Variants in TBC1D24 observed in about 807,000 individuals in gnomAD.
The protein encoded by TBC1D24 is Infantile myoclonic epilepsy.
Under a neutral mutation model 50.7 loss-of-function variants are expected in TBC1D24, and 47 were observed. That is an observed-to-expected ratio of 0.93 (90% CI 0.73 to 1.18). TBC1D24 has a LOEUF of 1.18. TBC1D24 is among the 50% of genes most tolerant of loss of function. The pLI is 0.00. For synonymous variants in TBC1D24, 324 were observed against 335.2 expected, an observed-to-expected ratio of 0.97 and a Z score of 0.36; for missense variants, 688 against 766.5, an observed-to-expected ratio of 0.90 and a Z score of 1.21.
At position 2,496,424 on chromosome 16, in the gene TBC1D24, GC is replaced by G; in HGVS notation, c.279del (p.Glu94SerfsTer13). 1 of 1,612,866 alleles carries G rather than the reference GC, an allele frequency of 6.2e-7. No individual in the cohort carries two copies. Among genetic ancestry groups the G allele is most frequent in the Non-Finnish European group, 8.5e-7 (1 of 1,179,964 alleles). On this transcript the variant is annotated frameshift_variant, in exon 2 of 8. Transcript: ENST00000646147. LOFTEE classifies it high-confidence loss of function. Reference protein sequence around the residue: ...GKHSSSCLPLPEFVDNTQVPS... With the variant: ...GKHSSSCLPLXEFVDNTQVPS... ...AGCACAGCAGCAGCTGCCTGCCGCTGCCCGAGTTCGTGGACAACACGCAGGT... is the reference window on the plus strand; with the variant it reads ...AGCACAGCAGCAGCTGCCTGCCGCTGCCGAGTTCGTGGACAACACGCAGGT...
Position 2,500,469 on chromosome 16 carries a change from G to T in TBC1D24, c.1504G>T (p.Gly502Cys). 1.3e-6 allele frequency: 2 copies of T among 1,578,208 alleles called. 1 individual carries two copies. The highest frequency in any genetic ancestry group is 2.3e-5 in the South Asian group (2 of 86,702). The part of the protein sequence containing the change: ...SKTESMFMAG[G>C]SDCLIVGGGG... ...GACCGAGTCCATGTTCATGGCGGGGGGCAGCGACTGCCTCATCGTCGGTGA... is the reference window on the plus strand; with the variant it reads ...GACCGAGTCCATGTTCATGGCGGGGTGCAGCGACTGCCTCATCGTCGGTGA... Residue 502 changes from glycine to cysteine, a missense_variant, in exon 7 of 8, where the codon GGC becomes TGC. Gly to Cys is a radical substitution (Grantham distance 159, BLOSUM62 -3). Transcript: ENST00000646147. The surrounding 1 kb of genome is among the most constrained non-coding windows in gnomAD (Gnocchi z 8.0).
chr16:2,500,181 A>T lies in TBC1D24; in HGVS notation c.1303-87A>T, dbSNP rs2065779474. ...CACCCACCTTGGGCTCTGGGTGCAG[A>T]TTCACGGGATGAAACGGGTTGTGGC... On this transcript the variant is annotated intron_variant, in intron 6 of 7. Transcript: ENST00000646147. The surrounding 1 kb of genome is among the most constrained non-coding windows in gnomAD (Gnocchi z 8.0). 7.4e-7 allele frequency: 1 copy of T among 1,350,078 alleles called. No homozygotes were observed. Among genetic ancestry groups the T allele is most frequent in the African/African-American group, 1.4e-5 (1 of 69,198 alleles). 83.6% of individuals were successfully genotyped at this position (1,350,078 alleles called of 1,614,324 possible). A position where few individuals can be genotyped will look rare whatever the true frequency, so the allele number is the denominator to read the frequency against.
At position 2,482,443 on chromosome 16, in the gene TBC1D24, C is replaced by T. The variant is rs998453236; in HGVS notation, c.-116+7273C>T. Among the ~76,000 whole-genome samples the T allele has an allele frequency of 2.6e-5, 4 of 152,092 alleles. No homozygotes were observed. The highest frequency in any genetic ancestry group is 2.1e-4 in the South Asian group (1 of 4,814). On this transcript the variant is annotated intron_variant, in intron 1 of 7. Coordinates refer to ENST00000646147, the MANE Select transcript of TBC1D24 (RefSeq NM_001199107.2). This position sits in a 1 kb window ranked among gnomAD's most constrained non-coding sequence, Gnocchi z 5.2. ...AGGGGCGATTGGACTGAGCAGAAAG[C>T]GAAAGGGGACAGGTGTCTCCTGCCA...
In TBC1D24 at chr16:2,487,422, G is replaced by A. The variant is rs2065659344; in HGVS notation, c.-115-8612G>A. 2.6e-5 allele frequency among the ~76,000 whole-genome samples: 4 copies of A among 152,250 alleles called. No individual in the cohort carries two copies. ...GAGCGGTCCCCAGGAAGGGAGGCAC[G>A]GTGTCGGGGTTGGTGTTGGCCGTGT... On this transcript the variant is annotated intron_variant, in intron 1 of 7. Coordinates refer to ENST00000646147, the MANE Select transcript of TBC1D24 (RefSeq NM_001199107.2). The surrounding 1 kb of genome is among the most constrained non-coding windows in gnomAD (Gnocchi z 4.1).
intron 1 of TBC1D24, chr16:2,480,726 C>T (rs979904214): frequency 6.6e-6 from 1 of 152,260 alleles, no homozygotes; most frequent in African/African-American, 2.4e-5. Flanking sequence ...CGGCAAGGGT[C>T]CTTCTAGCCT....
intron 1 of TBC1D24, chr16:2,479,227 A>C (rs2065591933): frequency 6.6e-6 from 1 of 151,990 alleles, no homozygotes; most frequent in African/African-American, 2.4e-5. Context: ...TGAAGGATGG[A>C]GTATGGGACG....
intron 1 of TBC1D24, among the ~76,000 whole-genome samples, chr16:2,495,762 G>C (rs1315535010): frequency 6.6e-6 from 1 of 152,134 alleles, no homozygotes; most frequent in South Asian, 2.1e-4. Context: ...CTGGGCGACA[G>C]GGTGAGACTC....
intron 1 of TBC1D24, chr16:2,477,548 G>A (rs566980163): frequency 6.6e-6 from 1 of 152,386 alleles, no homozygotes; most frequent in African/African-American, 2.4e-5. Flanking sequence ...CAGGGCAACA[G>A]AGTGAGACCC....
chr16:2,494,809 G>T (rs2065723869), intron 1 of TBC1D24, among the ~76,000 whole-genome samples: 1 of 152,046 alleles, frequency 6.6e-6, no homozygotes, highest in African/African-American at 2.4e-5. Context: ...GTGAAAAGAA[G>T]GTATACTCCA....
chr16:2,499,352 G>A lies in TBC1D24; in HGVS notation c.1143-5G>A, dbSNP rs754105574. 4.5e-5 allele frequency: 72 copies of A among 1,612,368 alleles called. No homozygotes were observed. The highest frequency in any genetic ancestry group is 2.7e-5 in the African/African-American group (2 of 74,876). On this transcript the variant is annotated splice_polypyrimidine_tract_variant and splice_region_variant and intron_variant, in intron 4 of 7. Coordinates refer to ENST00000646147, the MANE Select transcript of TBC1D24 (RefSeq NM_001199107.2). The surrounding 1 kb of genome is among the most constrained non-coding windows in gnomAD (Gnocchi z 4.0). ...TGACAGCTGGCATGCGTGTCTCTACGCCAGGTTCTACTTCCAGTGTGAAGG... is the reference window on the plus strand; with the variant it reads ...TGACAGCTGGCATGCGTGTCTCTACACCAGGTTCTACTTCCAGTGTGAAGG...
rs1216265077 is a variant in TBC1D24, at chr16:2,496,893, A to G, written c.745A>G (p.Lys249Glu). 6.2e-7 allele frequency: 1 copy of G among 1,614,068 alleles called. No individual in the cohort carries two copies. Among genetic ancestry groups the G allele is most frequent in the Non-Finnish European group, 8.5e-7 (1 of 1,180,038 alleles). ...GTACCGCGTGGCGCTGGCCATCCTC[A>G]AGTTCTTCCACAAGGTGAGGGCCGG... is the stretch of plus-strand genomic sequence containing the variant. ...VLYRVALAIL[K>E]FFHKVRAGQP... The change falls in exon 2 of 8, where the codon AAG (lysine) becomes GAG (glutamate). Residue 249 changes from lysine (K) to glutamate (E), a missense_variant. Coordinates refer to ENST00000646147, the MANE Select transcript of TBC1D24 (RefSeq NM_001199107.2).
rs374276485 is a variant in TBC1D24 at position 2,475,859 on chromosome 16, G to T, written c.-116+689G>T. 1.3e-4 allele frequency among the ~76,000 whole-genome samples: 20 copies of T among 152,354 alleles called. No individual in the cohort carries two copies. The East Asian group carries it at 3.3e-3, about 25-fold the overall frequency. ...CTCCAGGCGGGAGTCCCCGCGGCCT[G>T]GCCACAGGCCTTCTTTGATGGCCGT... is the stretch of plus-strand genomic sequence containing the variant. On this transcript the variant is annotated intron_variant, in intron 1 of 7. Transcript: ENST00000646147. This position sits in a 1 kb window ranked among gnomAD's most constrained non-coding sequence, Gnocchi z 4.2.
chr16:2,495,223 G>A (rs757536299), intron 1 of TBC1D24, among the ~76,000 whole-genome samples: 8 of 152,164 alleles, frequency 5.3e-5, no homozygotes, highest in Non-Finnish European at 1.2e-4. Flanking sequence ...GCGTGGTGGC[G>A]CCTAACTGTA....
Position 2,496,189 on chromosome 16 carries a change from A to C in TBC1D24, c.41A>C (p.Lys14Thr). 6.2e-7 allele frequency: 1 copy of C among 1,613,982 alleles called. No homozygotes were observed. ...TACAACTGCTTCGTGGACAAAGACA[A>C]GATGGACGCTGCCATCCAGGACCTG... ...PGYNCFVDKD[K>T]MDAAIQDLGP... is the part of the protein sequence containing the mutation. The change falls in exon 2 of 8, where the codon AAG becomes ACG. Residue 14 changes from lysine (K) to threonine (T), a missense_variant. Lys to Thr is a moderately conservative substitution (Grantham distance 78). Transcript: ENST00000646147.
At chr16:2,494,337 G>A (rs1021271717) in intron 1 of TBC1D24, among the ~76,000 whole-genome samples, 1 of 151,960 alleles carries the variant, frequency 6.6e-6, no homozygotes, top group East Asian at 1.9e-4. Flanking sequence ...ACTTGAGCCC[G>A]GGAGGCGGAA....
chr16:2,488,536 C>T (rs1433959515), intron 1 of TBC1D24, among the ~76,000 whole-genome samples: 2 of 116,212 alleles, frequency 1.7e-5, no homozygotes, highest in Non-Finnish European at 3.3e-5. Context: ...GATGGAGTCT[C>T]GCTCTGTCGC....
At chr16:2,492,242 G>C (rs2065701402) in intron 1 of TBC1D24, among the ~76,000 whole-genome samples, 1 of 152,062 alleles carries the variant, frequency 6.6e-6, no homozygotes, top group Admixed American at 6.6e-5. Flanking sequence ...GAACAAGAAA[G>C]AATCCAAGGG....
At chr16:2,476,879 C>A (rs374243268) in intron 1 of TBC1D24, 1 of 152,272 alleles carries the variant, frequency 6.6e-6, no homozygotes, top group Non-Finnish European at 1.5e-5. Flanking sequence ...CTAGCTCTCG[C>A]TGACCACACC....
chr16:2,500,137 C>T lies in TBC1D24; in HGVS notation c.1303-131C>T. 9.6e-7 allele frequency: 1 copy of T among 1,038,350 alleles called. No individual in the cohort carries two copies. The highest frequency in any genetic ancestry group is 1.5e-6 in the Non-Finnish European group (1 of 684,838). The allele number at this position is 1,038,350 out of a possible 1,614,324, so 64.3% of individuals were successfully genotyped here. A position where few individuals can be genotyped will look rare whatever the true frequency, so the allele number is the denominator to read the frequency against. On this transcript the variant is annotated intron_variant, in intron 6 of 7. Coordinates refer to ENST00000646147, the MANE Select transcript of TBC1D24 (RefSeq NM_001199107.2). This position sits in a 1 kb window ranked among gnomAD's most constrained non-coding sequence, Gnocchi z 8.0. ...TCATCTGCTCGAGCCACCAGCTCCC[C>T]AGCCCCTGGCTCGGGCTGCACCCAC...
Sources: gnomAD v4.1 joint callset for allele counts (sites outside exome capture counted in the v4.1 genomes callset) on GRCh38, gnomAD v4.1.1 for gene constraint, Gnocchi (gnomAD v3.1) non-coding constraint, MANE v1.5 for transcripts, NCBI Gene and HGNC (gene_info 2026-07-23, HGNC 2026-07-21) for gene names.